Variants in VASP observed in about 807,000 individuals in gnomAD.
VASP encodes the protein vasodilator-stimulated phosphoprotein.
VASP carries 27 observed loss-of-function variants against 54.4 expected under a neutral mutation model. The ratio of observed to expected loss-of-function variants is 0.50; its 90% confidence interval spans 0.37 to 0.68. The LOEUF is 0.68. Ranked by LOEUF, VASP falls within the 30% of genes least tolerant of loss-of-function variation. The probability of loss-of-function intolerance (pLI) is 0.00; values close to 1 mark genes in which losing one functional copy is unlikely to be tolerated. For synonymous variants in VASP, 233 were observed against 209.8 expected, an observed-to-expected ratio of 1.11 and a Z score of -0.96; for missense variants, 488 against 528.3, an observed-to-expected ratio of 0.92 and a Z score of 0.75.
At chr19:45,510,897 C>T (rs1328730783) in intron 1 of VASP, among the ~76,000 whole-genome samples, 4 of 145,904 alleles carry the variant, frequency 2.7e-5, no homozygotes, top group Non-Finnish European at 5.9e-5. Context: ...CTTGCCACTG[C>T]ACTCCAGCCT....
rs933918820 is a variant in VASP at position 45,524,236 on chromosome 19, C to T, written c.956+94C>T. On this transcript the variant is annotated intron_variant, in intron 10 of 12. Coordinates refer to ENST00000245932, the MANE Select transcript of VASP (RefSeq NM_003370.4). ...GACCAGCCTGGGCAACATGGCGACA[C>T]CCCATCTCTACAAAAATTAGCCAGG... 9.1e-4 allele frequency: 1,299 copies of T among 1,426,944 alleles called. 12 individuals carry two copies. Among genetic ancestry groups the T allele is most frequent in the Middle Eastern group, 7.4e-4 (3 of 4,074 alleles). The allele number at this position is 1,426,944 out of a possible 1,614,324, so 88.4% of individuals were successfully genotyped here.
chr19:45,517,856 C>T (rs778583855), intron 2 of VASP, 22 bp downstream of exon 2: 5 of 1,610,694 alleles, frequency 3.1e-6, no homozygotes, highest in Admixed American at 1.7e-5. Flanking sequence ...CGCCGGCCCC[C>T]TCTGTGGGCT....
rs1476555989 is a variant in VASP, at chr19:45,507,843, T to TC, written c.5+74dup. ...GCTCCGCGCCCCGCCTTTGTCCCCCTCCCCCCCAGCTAGCTCCGGGCTGGA... is the reference window on the plus strand; with the variant it reads ...GCTCCGCGCCCCGCCTTTGTCCCCCTCCCCCCCCAGCTAGCTCCGGGCTGGA... On this transcript the variant is annotated intron_variant, in intron 1 of 12. Coordinates refer to ENST00000245932, the MANE Select transcript of VASP (RefSeq NM_003370.4). The surrounding 1 kb of genome is among the most constrained non-coding windows in gnomAD (Gnocchi z 4.4). 21 of 809,868 alleles carry TC rather than the reference T, an allele frequency of 2.6e-5. 1 individual carries two copies. Among genetic ancestry groups the TC allele is most frequent in the South Asian group, 7.0e-5 (3 of 42,572 alleles). The allele number at this position is 809,868 out of a possible 1,614,324, so 50.2% of individuals were successfully genotyped here. A position where few individuals can be genotyped will look rare whatever the true frequency, so the allele number is the denominator to read the frequency against.
Position 45,526,176 on chromosome 19 carries a change from G to T in VASP, c.1142G>T (p.Ter381LeuextTer62), listed in dbSNP as rs1968963964. The T allele has an allele frequency of 6.2e-7, 1 of 1,608,802 alleles. No individual in the cohort carries two copies. Among genetic ancestry groups the T allele is most frequent in the Non-Finnish European group, 8.5e-7 (1 of 1,178,806 alleles). The change falls in exon 13 of 13, where the codon TGA (stop) becomes TTA (leucine). Residue 381 changes from the stop codon to leucine, a stop_lost. Coordinates refer to ENST00000245932, the MANE Select transcript of VASP (RefSeq NM_003370.4). Reference protein sequence around the residue: ...VQELRKRGSP* With the variant: ...VQELRKRGSPL Reference sequence around the variant, plus strand: ...GAGCTGAGGAAGCGGGGTTCTCCCTGACCACAGGGACCCAGAAGACCCGCT... The same window carrying T: ...GAGCTGAGGAAGCGGGGTTCTCCCTTACCACAGGGACCCAGAAGACCCGCT...
intron 1 of VASP, among the ~76,000 whole-genome samples, chr19:45,516,852 T>A (rs1407327985): frequency 6.6e-6 from 1 of 151,600 alleles, no homozygotes; most frequent in Non-Finnish European, 1.5e-5. Context: ...TACAAAAAAT[T>A]AGCTGGGCTT....
At chr19:45,524,461 C>G (rs912120769) in intron 10 of VASP, 109 bp from the exon 11 acceptor site, 1 of 1,141,656 alleles carries the variant, frequency 8.8e-7, no homozygotes, top group Non-Finnish European at 1.3e-6. Context: ...AATACTTGGA[C>G]TTGCCCAATT....
chr19:45,521,759 G>T (rs1042824731), intron 4 of VASP, among the ~76,000 whole-genome samples: 1 of 151,948 alleles, frequency 6.6e-6, no homozygotes, highest in Non-Finnish European at 1.5e-5. Context: ...TCATGGTGGC[G>T]CCCGTGCCTG....
In VASP at chr19:45,522,542, C is replaced by A; in HGVS notation, c.681C>A (p.Ala227=). 6.9e-7 allele frequency: 1 copy of A among 1,456,140 alleles called. No individual in the cohort carries two copies. Among genetic ancestry groups the A allele is most frequent in the South Asian group, 1.4e-5 (1 of 69,162 alleles). 90.2% of individuals were successfully genotyped at this position (1,456,140 alleles called of 1,614,324 possible). ...GGGGAGAPGL[A]AAIAGAKLRK... is the part of the protein sequence containing the mutation. ...GGGGAGCTGGGGCCCCAGGCCTGGC[C>A]GCAGCTATTGCTGGAGCCAAACTCA... The change falls in exon 6 of 13, where the codon GCC becomes GCA. Residue 227 remains alanine (A), a synonymous_variant. Coordinates refer to ENST00000245932, the MANE Select transcript of VASP (RefSeq NM_003370.4).
Position 45,524,524 on chromosome 19 carries a change from C to G in VASP, c.957-46C>G. 4 of 1,573,774 alleles carry G rather than the reference C, an allele frequency of 2.5e-6. No individual in the cohort carries two copies. The South Asian group carries it at 4.4e-5, about 17-fold the overall frequency. Reference sequence around the variant, plus strand: ...GGAATAGGAGGCGGGGAAGCAGGTCCTCTCTCTAATCTCATTGCTGTCCCA... The same window carrying G: ...GGAATAGGAGGCGGGGAAGCAGGTCGTCTCTCTAATCTCATTGCTGTCCCA... On this transcript the variant is annotated intron_variant, in intron 10 of 12. Transcript: ENST00000245932.
chr19:45,522,880 G>T, intron 7 of VASP, 62 bp downstream of exon 7: 4 of 1,486,568 alleles, frequency 2.7e-6, no homozygotes, highest in Non-Finnish European at 3.6e-6. Flanking sequence ...CCCAGTCAGA[G>T]GAGGGCTCCA....
chr19:45,524,111 C>T lies in VASP; in HGVS notation c.925C>T (p.Pro309Ser), dbSNP rs573511309. 6.2e-7 allele frequency: 1 copy of T among 1,613,910 alleles called. No individual in the cohort carries two copies. The change falls in exon 10 of 13, where the codon CCC (proline) becomes TCC (serine). Residue 309 changes from proline to serine, a missense_variant. This residue lies in a region of VASP where 126 missense variants were observed against 134.8 expected (regional missense o/e 0.94). Transcript: ENST00000245932. ...VPAQSESVRR[P>S]WEKNSTTLPR... ...CCTATCCCCAGAATCTGTGCGGAGA[C>T]CCTGGGAGAAGAACAGCACAACCTT...
At chr19:45,510,061 A>C (rs1352980156) in intron 1 of VASP, among the ~76,000 whole-genome samples, 1 of 152,232 alleles carries the variant, frequency 6.6e-6, no homozygotes, top group Non-Finnish European at 1.5e-5. Flanking sequence ...GCAGAGGTCT[A>C]GAATCTCAGG....
chr19:45,517,826 G>T lies in VASP; in HGVS notation c.169G>T (p.Asp57Tyr). Residue 57 changes from aspartate to tyrosine, a missense_variant, in exon 2 of 13, where the codon GAC becomes TAC. By Grantham distance (160) the Asp-to-Tyr change is radical. Around this residue, in one of 4 missense-constraint regions of VASP, gnomAD observed 127 missense variants for 170.7 expected, o/e 0.74. Transcript: ENST00000245932. Reference sequence around the variant, plus strand: ...CGTCGTGGGCCGGAAGATGCAGCCCGACCAGCAGGTGCAGCTTCCCGCCGG... The same window carrying T: ...CGTCGTGGGCCGGAAGATGCAGCCCTACCAGCAGGTGCAGCTTCCCGCCGG... ...FRVVGRKMQP[D>Y]QQVVINCAIV... is the part of the protein sequence containing the mutation. 1.2e-6 allele frequency: 2 copies of T among 1,613,198 alleles called. No homozygotes were observed. The highest frequency in any genetic ancestry group is 1.7e-6 in the Non-Finnish European group (2 of 1,179,854).
chr19:45,523,493 A>G (rs986408681), intron 7 of VASP, 151 bp from the exon 8 acceptor site: 1 of 894,262 alleles, frequency 1.1e-6, no homozygotes, highest in African/African-American at 1.7e-5. Context: ...CACTGCGCCC[A>G]GCACAATCTC....
chr19:45,509,112 C>G (rs1968548055), intron 1 of VASP, among the ~76,000 whole-genome samples: 1 of 152,228 alleles, frequency 6.6e-6, no homozygotes, highest in Non-Finnish European at 1.5e-5. Flanking sequence ...GAACCCCTGC[C>G]CTTTGACATC....
At chr19:45,522,261 G>A (rs539004349) in intron 5 of VASP, 44 bp downstream of exon 5, 1 of 1,614,138 alleles carries the variant, frequency 6.2e-7, no homozygotes, top group South Asian at 1.1e-5. Flanking sequence ...GGCCTCCCTG[G>A]AGGAAGTGGC....
At position 45,522,581 on chromosome 19, in the gene VASP, G is replaced by C. The variant is rs1968865049; in HGVS notation, c.720G>C (p.Lys240Asn). ...IAGAKLRKVS[K>N]QEEASGGPTA... ...GAGCCAAACTCAGGAAAGTCAGCAA[G>C]GTGAGGGGCCGGGAGAGGTGGGCAG... The change falls in exon 6 of 13, where the codon AAG becomes AAC. Residue 240 changes from lysine to asparagine, a missense_variant and splice_region_variant. Lys to Asn is a moderately conservative substitution (Grantham distance 94). Transcript: ENST00000245932. 1.4e-6 allele frequency: 2 copies of C among 1,471,928 alleles called. No individual in the cohort carries two copies. Among genetic ancestry groups the C allele is most frequent in the Admixed American group, 5.4e-5 (2 of 36,968 alleles). 91.2% of individuals were successfully genotyped at this position (1,471,928 alleles called of 1,614,324 possible). A position where few individuals can be genotyped will look rare whatever the true frequency, so the allele number is the denominator to read the frequency against.
intron 3 of VASP, 136 bp downstream of exon 3, chr19:45,518,230 T>C: frequency 1.5e-6 from 2 of 1,300,030 alleles, no homozygotes; most frequent in African/African-American, 1.5e-5. Context: ...AAATTATCAC[T>C]AGCATTTTGT....
intron 1 of VASP, among the ~76,000 whole-genome samples, chr19:45,515,066 T>C (rs1426277789): frequency 6.6e-6 from 1 of 152,094 alleles, no homozygotes; most frequent in Non-Finnish European, 1.5e-5. Context: ...CTGAAATGCC[T>C]AGTAAGAGGG....
Sources: gnomAD v4.1 joint callset for allele counts (sites outside exome capture counted in the v4.1 genomes callset) on GRCh38, gnomAD v4.1.1 for gene constraint, gnomAD v4.1.1 regional missense constraint, Gnocchi (gnomAD v3.1) non-coding constraint, MANE v1.5 for transcripts, NCBI Gene and HGNC (gene_info 2026-07-23, HGNC 2026-07-21) for gene names.